The following SLC61A1 variants were observed in gnomAD, a reference collection of about 807,000 sequenced individuals.
The protein encoded by SLC61A1 is solute carrier family 61 member 1.
the SLC61A1 span, chr12:53,252,990 C>T: frequency 6.2e-7 from 1 of 1,614,230 alleles, no homozygotes; most frequent in Non-Finnish European, 8.5e-7. Context: ...TACTTCCTGG[C>T]CCTGGCAGCT....
At chr12:53,252,137 C>T in the SLC61A1 span, 70,331 of 1,438,644 alleles carry the variant, frequency 0.049, 1,919 homozygotes, top group African/African-American at 0.1. Flanking sequence ...GCCTGCCCGG[C>T]TCCCGGAAGC....
At chr12:53,252,200 A>T in the SLC61A1 span, 1 of 1,417,548 alleles carries the variant, frequency 7.1e-7, no homozygotes. Flanking sequence ...CCGGAGCCAC[A>T]GCGGGGAGGG....
the SLC61A1 span, chr12:53,253,888 G>C: frequency 2.5e-6 from 4 of 1,614,210 alleles, no homozygotes; most frequent in Non-Finnish European, 3.4e-6. Flanking sequence ...TACTTATTGA[G>C]TTGGCTTGTG....
chr12:53,253,152 A>C, the SLC61A1 span: 3 of 1,614,224 alleles, frequency 1.9e-6, no homozygotes, highest in Non-Finnish European at 2.5e-6. Context: ...GGTCGCAAGA[A>C]TTCTTGTGTC....
the SLC61A1 span, chr12:53,252,258 C>G: frequency 7.1e-7 from 1 of 1,401,184 alleles, no homozygotes; most frequent in Non-Finnish European, 9.2e-7. Context: ...CCCCGCAGAC[C>G]GGGGCAGCAG....
At chr12:53,252,669 C>A in the SLC61A1 span, 10 of 1,197,210 alleles carry the variant, frequency 8.4e-6, no homozygotes, top group Non-Finnish European at 1.0e-5. Flanking sequence ...GGCCACTCCT[C>A]CCACCCACCC....
chr12:53,252,982 C>T, the SLC61A1 span: 1 of 1,614,204 alleles, frequency 6.2e-7, no homozygotes, highest in South Asian at 1.1e-5. Flanking sequence ...ATCAGGTCTA[C>T]TTCCTGGCCC....
At chr12:53,253,988 C>G in the SLC61A1 span, 4 of 1,614,086 alleles carry the variant, frequency 2.5e-6, no homozygotes, top group East Asian at 6.7e-5. Flanking sequence ...CCGGGTACCT[C>G]TGCACTCACT....
the SLC61A1 span, chr12:53,254,034 A>T: frequency 6.2e-7 from 1 of 1,614,026 alleles, no homozygotes; most frequent in East Asian, 2.2e-5. Context: ...CATGACAGTG[A>T]TCGAAAAACA....
At chr12:53,253,388 G>T in the SLC61A1 span, 1 of 1,614,146 alleles carries the variant, frequency 6.2e-7, no homozygotes, top group Non-Finnish European at 8.5e-7. Flanking sequence ...GGCTGTAGTG[G>T]CAGGTGTGGC....
At chr12:53,252,908 C>T in the SLC61A1 span, 14 of 1,614,072 alleles carry the variant, frequency 8.7e-6, no homozygotes, top group Non-Finnish European at 1.1e-5. Context: ...GTCAAGATGC[C>T]GGGCTAAACC....
the SLC61A1 span, chr12:53,251,991 C>A: frequency 1.3e-6 from 2 of 1,536,106 alleles, no homozygotes; most frequent in Admixed American, 2.0e-5. Flanking sequence ...CTCCTATGGT[C>A]GCCCCTTCCC....
chr12:53,253,903 A>G, the SLC61A1 span: 14 of 1,614,052 alleles, frequency 8.7e-6, no homozygotes, highest in Middle Eastern at 1.3e-3. Context: ...CTTGTGGATT[A>G]TACTTTCCCA....
chr12:53,251,744 T>C, the SLC61A1 span: 1 of 1,536,544 alleles, frequency 6.5e-7, no homozygotes. Flanking sequence ...TGGAGGTCAC[T>C]GCAGTGGGAG....
the SLC61A1 span, chr12:53,251,568 C>A: frequency 2.9e-6 from 2 of 692,988 alleles, no homozygotes; most frequent in East Asian, 5.6e-5. Context: ...TATCCTGTGA[C>A]TTCAAAGAAA....
At chr12:53,253,213 C>A in the SLC61A1 span, 1 of 1,614,282 alleles carries the variant, frequency 6.2e-7, no homozygotes, top group Non-Finnish European at 8.5e-7. Context: ...TCTCTCAAGA[C>A]TACTTTGTGC....
the SLC61A1 span, chr12:53,251,741 C>G: frequency 2.0e-6 from 3 of 1,536,022 alleles, no homozygotes; most frequent in Non-Finnish European, 1.7e-6. Context: ...GCATGGAGGT[C>G]ACTGCAGTGG....
chr12:53,252,430 G>A, the SLC61A1 span: 2 of 1,286,742 alleles, frequency 1.6e-6, no homozygotes, highest in Non-Finnish European at 2.0e-6. Flanking sequence ...GGGATGCCCG[G>A]GACAGAGGAT....
chr12:53,251,634 A>C, the SLC61A1 span: 5 of 1,261,802 alleles, frequency 4.0e-6, no homozygotes, highest in Non-Finnish European at 5.3e-6. Context: ...GGTAAGTGAC[A>C]GGGGCAGGAC....
Sources: allele counts gnomAD v4.1 joint callset, GRCh38; gene constraint gnomAD v4.1.1; transcripts MANE v1.5; gene names NCBI Gene and HGNC (gene_info 2026-07-23, HGNC 2026-07-21).